PTPRD: variants seen among roughly 807,000 people sequenced by gnomAD.
PTPRD encodes the protein protein tyrosine phosphatase receptor type D.
PTPRD carries 34 observed loss-of-function variants against 214.5 expected under a neutral mutation model. The observed-to-expected ratio is 0.16, with a 90% CI of 0.12 to 0.21. The LOEUF (loss-of-function observed/expected upper bound fraction) is 0.21, where lower values mean the gene tolerates loss of function less well. Ranked by LOEUF, PTPRD falls within the 10% of genes least tolerant of loss-of-function variation. The pLI is 1.00. For synonymous variants in PTPRD, 1,128 were observed against 845.7 expected, an observed-to-expected ratio of 1.33 and a Z score of -5.79; for missense variants, 2,545 against 2,398.7, an observed-to-expected ratio of 1.06 and a Z score of -1.27.
chr9:9,954,707 G>C (rs1178148644), intron 4 of PTPRD, among the ~76,000 whole-genome samples: 6 of 151,962 alleles, frequency 3.9e-5, no homozygotes, highest in African/African-American at 7.3e-5. Context: ...ATCTGAAACA[G>C]TTCCTATTTT....
chr9:9,912,264 T>A (rs530161826), intron 5 of PTPRD, among the ~76,000 whole-genome samples: 1 of 152,144 alleles, frequency 6.6e-6, no homozygotes, highest in East Asian at 1.9e-4. Flanking sequence ...CCACTTCAGT[T>A]GAAAAAACAA....
chr9:8,810,369 A>C (rs888099222), intron 11 of PTPRD, among the ~76,000 whole-genome samples: 2 of 152,144 alleles, frequency 1.3e-5, no homozygotes, highest in African/African-American at 4.8e-5. Context: ...TTCAAAGGTT[A>C]TCTTCCTCTT....
intron 9 of PTPRD, among the ~76,000 whole-genome samples, chr9:9,271,026 C>T (rs1942678289): frequency 6.6e-6 from 1 of 151,186 alleles, no homozygotes; most frequent in African/African-American, 2.4e-5. Flanking sequence ...CTATTTTGAT[C>T]ATGTTAAGTT....
intron 8 of PTPRD, among the ~76,000 whole-genome samples, chr9:9,493,391 T>C (rs11506751): frequency 0.092 from 13,938 of 152,278 alleles, 758 homozygotes; most frequent in Non-Finnish European, 0.12. Context: ...CTGATGAAGA[T>C]GTACAAATAT....
At chr9:9,158,788 A>G (rs2154492975) in intron 10 of PTPRD, among the ~76,000 whole-genome samples, 1 of 152,294 alleles carries the variant, frequency 6.6e-6, no homozygotes, top group South Asian at 2.1e-4. Flanking sequence ...TTGCAGATGA[A>G]TATACATGCA....
chr9:10,057,879 G>A (rs1231998351), intron 3 of PTPRD, among the ~76,000 whole-genome samples: 1 of 150,386 alleles, frequency 6.6e-6, no homozygotes, highest in Non-Finnish European at 1.5e-5. Context: ...AAAGTGAGTA[G>A]TGGAATAATT....
rs1033918434 is a variant in PTPRD at position 9,934,495 on chromosome 9, C to G, written c.-368+4012G>C. 1.6e-4 allele frequency among the ~76,000 whole-genome samples: 24 copies of G among 148,320 alleles called. No homozygotes were observed. In the South Asian group the frequency reaches 4.3e-3, roughly 27 times the overall value. ...ATCTAGAAGAAATGGATAAATTCCT[C>G]GACACATACACTCTCCCAAGACTAA... On this transcript the variant is annotated intron_variant, in intron 5 of 45. Transcript: ENST00000381196.
chr9:8,802,783 G>A (rs1600271846), intron 11 of PTPRD, among the ~76,000 whole-genome samples: 1 of 152,170 alleles, frequency 6.6e-6, no homozygotes. Flanking sequence ...TAGGAGTGGT[G>A]GCTTAAACCT....
intron 4 of PTPRD, among the ~76,000 whole-genome samples, chr9:9,976,728 T>G (rs1011284431): frequency 7.3e-4 from 94 of 128,602 alleles, no homozygotes; most frequent in Admixed American, 1.4e-3. Flanking sequence ...TTTTTTTATG[T>G]CTAAATAGTT....
intron 10 of PTPRD, among the ~76,000 whole-genome samples, chr9:9,176,928 G>T (rs1028336402): frequency 6.6e-6 from 1 of 152,058 alleles, no homozygotes; most frequent in Non-Finnish European, 1.5e-5. Context: ...AGTTCTAGAT[G>T]GTTAGATGGT....
chr9:9,678,693 G>A (rs2096990433), intron 7 of PTPRD, among the ~76,000 whole-genome samples: 1 of 150,956 alleles, frequency 6.6e-6, no homozygotes, highest in South Asian at 2.1e-4. Flanking sequence ...ACAATTAGAA[G>A]AAAAAAACAA....
chr9:10,103,377 TTA>T lies in PTPRD; in HGVS notation c.-544-69589_-544-69588del, dbSNP rs1185795827. On this transcript the variant is annotated intron_variant, in intron 3 of 45. Coordinates refer to ENST00000381196, the MANE Select transcript of PTPRD (RefSeq NM_002839.4). ...GAGTTATGACATTTTAAACTGCATATTATATATATATATATATTTATTTAAGA... is the reference window on the plus strand; with the variant it reads ...GAGTTATGACATTTTAAACTGCATATTATATATATATATATTTATTTAAGA... Among the ~76,000 whole-genome samples, 76 of 72,316 alleles carry T rather than the reference TTA, an allele frequency of 1.1e-3. 2 individuals are homozygous for T. Among genetic ancestry groups the T allele is most frequent in the African/African-American group, 1.6e-3 (22 of 13,694 alleles). 47.4% of individuals were successfully genotyped at this position (72,316 alleles called of 152,430 possible). A position where few individuals can be genotyped will look rare whatever the true frequency, so the allele number is the denominator to read the frequency against.
chr9:9,110,152 G>A lies in PTPRD; in HGVS notation c.-143+73152C>T, dbSNP rs377205643. On this transcript the variant is annotated intron_variant, in intron 10 of 45. Coordinates refer to ENST00000381196, the MANE Select transcript of PTPRD (RefSeq NM_002839.4). ...CAAAGGACTTCATTATTTGTTTAAA[G>A]GATAGTAGTATGTATACTGCTACTA... Among the ~76,000 whole-genome samples the A allele has an allele frequency of 2.4e-4, 36 of 152,210 alleles. No individual in the cohort carries two copies. In the East Asian group the frequency reaches 6.8e-3, roughly 29 times the overall value.
intron 10 of PTPRD, among the ~76,000 whole-genome samples, chr9:9,176,953 T>C (rs905763462): frequency 7.9e-5 from 12 of 152,172 alleles, no homozygotes; most frequent in Non-Finnish European, 4.4e-5. Context: ...ATATGTCCTA[T>C]GAGTATCTAT....
chr9:9,893,520 C>T (rs2074052057), intron 5 of PTPRD, among the ~76,000 whole-genome samples: 1 of 152,014 alleles, frequency 6.6e-6, no homozygotes, highest in Non-Finnish European at 1.5e-5. Context: ...CCTATAAAAA[C>T]TATATGTAGG....
intron 3 of PTPRD, among the ~76,000 whole-genome samples, chr9:10,051,273 T>C (rs2097530477): frequency 6.6e-6 from 1 of 152,120 alleles, no homozygotes; most frequent in Non-Finnish European, 1.5e-5. Flanking sequence ...CATTTGGTAA[T>C]TATTGCTCAG....
chr9:10,045,125 C>T (rs1021548671), intron 3 of PTPRD, among the ~76,000 whole-genome samples: 4 of 151,742 alleles, frequency 2.6e-5, no homozygotes, highest in African/African-American at 7.2e-5. Flanking sequence ...AACTAATTTG[C>T]TCATCCTGTT....
chr9:9,301,940 T>C (rs1955476606), intron 9 of PTPRD, among the ~76,000 whole-genome samples: 1 of 151,910 alleles, frequency 6.6e-6, no homozygotes, highest in Admixed American at 6.6e-5. Flanking sequence ...GATACGCATT[T>C]GTTTGTTGAT....
At chr9:8,769,143 G>A (rs948700970) in intron 11 of PTPRD, among the ~76,000 whole-genome samples, 1 of 152,126 alleles carries the variant, frequency 6.6e-6, no homozygotes, top group Non-Finnish European at 1.5e-5. Context: ...ATTTAAATGT[G>A]CAGCATGAAG....
Sources: gnomAD v4.1 joint callset for allele counts (sites outside exome capture counted in the v4.1 genomes callset) on GRCh38, gnomAD v4.1.1 for gene constraint, MANE v1.5 for transcripts, NCBI Gene and HGNC (gene_info 2026-07-23, HGNC 2026-07-21) for gene names.